BICRAL: variants seen among roughly 807,000 people sequenced by gnomAD.
BICRAL encodes the protein BICRA like chromatin remodeling complex associated protein.
A neutral mutation model predicts 91.8 loss-of-function variants in BICRAL; 8 were observed. The ratio of observed to expected loss-of-function variants is 0.09; its 90% CI spans 0.05 to 0.16. The LOEUF (loss-of-function observed/expected upper bound fraction) is 0.16, where lower values mean the gene tolerates loss of function less well. BICRAL is among the 10% of genes least tolerant of loss of function. The pLI is 1.00. For synonymous variants in BICRAL, 445 were observed against 491.1 expected, an observed-to-expected ratio of 0.91 and a Z score of 1.24; for missense variants, 1,038 against 1,310.9, an observed-to-expected ratio of 0.79 and a Z score of 3.21.
At position 42,814,908 on chromosome 6, in the gene BICRAL, C is replaced by CT. The variant is rs1398942896; in HGVS notation, c.-6+4517dup. Reference sequence around the variant, plus strand: ...CAGTCTTTGAAATCCTGTTCTATTACTTTTTTTTTTCTTTTTTTTTGAGAC... The same window carrying CT: ...CAGTCTTTGAAATCCTGTTCTATTACTTTTTTTTTTTCTTTTTTTTTGAGAC... On this transcript the variant is annotated intron_variant, in intron 2 of 12. Coordinates refer to ENST00000314073, the MANE Select transcript of BICRAL (RefSeq NM_001393499.1). Among the ~76,000 whole-genome samples, 59 of 148,944 alleles carry CT rather than the reference C, an allele frequency of 4.0e-4. No individual in the cohort carries two copies. In the Middle Eastern group the frequency reaches 0.01, roughly 26 times the overall value.
intron 6 of BICRAL, among the ~76,000 whole-genome samples, chr6:42,831,671 C>G (rs1764483908): frequency 6.6e-6 from 1 of 152,134 alleles, no homozygotes; most frequent in African/African-American, 2.4e-5. Context: ...CCTGCGTTTC[C>G]CCTGCCTTTC....
chr6:42,847,574 T>G (rs901762165), intron 6 of BICRAL, among the ~76,000 whole-genome samples: 1 of 148,098 alleles, frequency 6.8e-6, no homozygotes, highest in African/African-American at 2.5e-5. Context: ...GCCCAGGAGT[T>G]CGAGACCAGC....
chr6:42,782,731 T>C (rs1762955320), intron 1 of BICRAL, among the ~76,000 whole-genome samples: 1 of 150,858 alleles, frequency 6.6e-6, no homozygotes, highest in African/African-American at 2.4e-5. Flanking sequence ...GAGTGTGTTT[T>C]CCGCCCCCCG....
chr6:42,747,639 G>T (rs1430120366), intron 1 of BICRAL, among the ~76,000 whole-genome samples: 1 of 152,198 alleles, frequency 6.6e-6, no homozygotes, highest in Non-Finnish European at 1.5e-5. Flanking sequence ...GCGGGGCGCG[G>T]GGGCAGGGGA....
In BICRAL at chr6:42,865,390, G is replaced by A; in HGVS notation, c.3184G>A (p.Val1062Ile). Reference sequence around the variant, plus strand: ...GTTCATCCCGGACCACAGTGAAGGTGTTGTAGAAACTGACTCCATTTTAGA... The same window carrying A: ...GTTCATCCCGGACCACAGTGAAGGTATTGTAGAAACTGACTCCATTTTAGA... ...EKFIPDHSEG[V>I]VETDSILEAA... The change falls in exon 13 of 13, where the codon GTT becomes ATT. Residue 1062 changes from valine (V) to isoleucine (I), a missense_variant. Val to Ile is a conservative substitution (Grantham distance 29). This residue lies in a region of BICRAL where 92 missense variants were observed against 147.8 expected (regional missense o/e 0.62). Transcript: ENST00000314073. The A allele has an allele frequency of 6.2e-7, 1 of 1,613,616 alleles. No homozygotes were observed. Among genetic ancestry groups the A allele is most frequent in the Non-Finnish European group, 8.5e-7 (1 of 1,179,556 alleles).
chr6:42,783,775 G>A (rs1417124791), intron 1 of BICRAL, among the ~76,000 whole-genome samples: 1 of 152,234 alleles, frequency 6.6e-6, no homozygotes, highest in Non-Finnish European at 1.5e-5. Context: ...CCTCGCGGCT[G>A]ATGGGTTCCC....
chr6:42,784,035 C>T (rs1401310631), intron 1 of BICRAL, among the ~76,000 whole-genome samples: 1 of 152,146 alleles, frequency 6.6e-6, no homozygotes, highest in African/African-American at 2.4e-5. Context: ...GGGTACCCTA[C>T]GCTTCGTTTC....
intron 2 of BICRAL, among the ~76,000 whole-genome samples, chr6:42,819,359 C>G (rs577169670): frequency 2.0e-5 from 3 of 152,278 alleles, no homozygotes; most frequent in Admixed American, 1.3e-4. Context: ...GATCTCGGCT[C>G]ACTGCAACCT....
chr6:42,747,811 T>A (rs55699781), intron 1 of BICRAL, among the ~76,000 whole-genome samples: 4 of 148,860 alleles, frequency 2.7e-5, no homozygotes, highest in African/African-American at 9.9e-5. Context: ...TTTTGTTTTT[T>A]TTTTTTTTTT....
At position 42,864,663 on chromosome 6, in the gene BICRAL, T is replaced by A. The variant is rs535369962; in HGVS notation, c.2457T>A (p.Gly819=). The change falls in exon 13 of 13, where the codon GGT becomes GGA. Residue 819 remains glycine (G), a synonymous_variant. Transcript: ENST00000314073. ...DKRLALVDPE[G]FQADFCCSFK... ...TCTTTTTGTTCCCATTTCCAGAGGG[T>A]TTTCAGGCTGATTTCTGTTGTTCCT... The A allele has an allele frequency of 6.2e-7, 1 of 1,612,412 alleles. No individual in the cohort carries two copies. The highest frequency in any genetic ancestry group is 2.2e-5 in the East Asian group (1 of 44,870).
intron 6 of BICRAL, among the ~76,000 whole-genome samples, chr6:42,843,352 A>ATGG (rs1764867813): frequency 6.6e-6 from 1 of 152,156 alleles, no homozygotes; most frequent in South Asian, 2.1e-4. Flanking sequence ...AAAAGAGACC[A>ATGG]TGGTGCTGTG....
chr6:42,786,213 A>G (rs1763100433), intron 1 of BICRAL, among the ~76,000 whole-genome samples: 1 of 152,224 alleles, frequency 6.6e-6, no homozygotes, highest in Non-Finnish European at 1.5e-5. Flanking sequence ...AGTAATTGCT[A>G]GGGAGAGTAG....
At chr6:42,827,143 C>T (rs940127494) in intron 5 of BICRAL, among the ~76,000 whole-genome samples, 1 of 152,182 alleles carries the variant, frequency 6.6e-6, no homozygotes, top group Non-Finnish European at 1.5e-5. Flanking sequence ...GGGTGGTTAA[C>T]ATTAGTTGAC....
chr6:42,776,200 T>C (rs1762804889), intron 1 of BICRAL, among the ~76,000 whole-genome samples: 1 of 151,806 alleles, frequency 6.6e-6, no homozygotes, highest in Admixed American at 6.6e-5. Flanking sequence ...TCTTGTATTT[T>C]TAGTAGAGAT....
At position 42,866,321 on chromosome 6, in the gene BICRAL, T is replaced by C. The variant is rs1435011650; in HGVS notation, c.*875T>C. ...GAGGGTTATAATATTAATATGTATA[T>C]ATGTAAAAGCATATATATGTTAACT... On this transcript the variant is annotated 3_prime_UTR_variant, in exon 13 of 13. Coordinates refer to ENST00000314073, the MANE Select transcript of BICRAL (RefSeq NM_001393499.1). 6.2e-6 allele frequency: 1 copy of C among 161,704 alleles called. No homozygotes were observed. The highest frequency in any genetic ancestry group is 1.4e-5 in the Non-Finnish European group (1 of 73,466). The allele number at this position is 161,704 out of a possible 1,614,324, so 10.0% of individuals were successfully genotyped here. A position where few individuals can be genotyped will look rare whatever the true frequency, so the allele number is the denominator to read the frequency against.
intron 1 of BICRAL, among the ~76,000 whole-genome samples, chr6:42,758,664 ATC>A (rs1762495930): frequency 6.6e-6 from 1 of 151,206 alleles, no homozygotes; most frequent in Non-Finnish European, 1.5e-5. Context: ...AATCAGGACT[ATC>A]TTTTGGGAAA....
upstream of BICRAL, among the ~76,000 whole-genome samples, chr6:42,777,514 T>G (rs1762823203): frequency 1.3e-5 from 2 of 152,158 alleles, no homozygotes; most frequent in African/African-American, 4.8e-5. Context: ...TTAAAAAAAT[T>G]TGCTTCACAA....
chr6:42,850,036 C>CAATA (rs1208046300), intron 6 of BICRAL, among the ~76,000 whole-genome samples: 1 of 149,810 alleles, frequency 6.7e-6, no homozygotes, highest in Non-Finnish European at 1.5e-5. Context: ...GACCCTGTCT[C>CAATA]AATAAATAAA....
chr6:42,795,586 G>A (rs1476599028), intron 1 of BICRAL, among the ~76,000 whole-genome samples: 1 of 151,934 alleles, frequency 6.6e-6, no homozygotes, highest in Non-Finnish European at 1.5e-5. Flanking sequence ...AAATTACCTT[G>A]AGCTTGACTC....
Sources: gnomAD v4.1 joint callset for allele counts (sites outside exome capture counted in the v4.1 genomes callset) on GRCh38, gnomAD v4.1.1 for gene constraint, gnomAD v4.1.1 regional missense constraint, MANE v1.5 for transcripts, NCBI Gene and HGNC (gene_info 2026-07-23, HGNC 2026-07-21) for gene names.